The following LRRC8B variants were observed in gnomAD, a reference collection of about 807,000 sequenced individuals.
LRRC8B encodes the protein leucine rich repeat containing 8 VRAC subunit B.
A neutral mutation model predicts 58.8 loss-of-function variants in LRRC8B; 23 were observed. The observed-to-expected ratio is 0.39, with a 90% CI of 0.28 to 0.55. The LOEUF (loss-of-function observed/expected upper bound fraction) is 0.55, where lower values mean the gene tolerates loss of function less well. LRRC8B is among the 20% of genes least tolerant of loss of function. LRRC8B has a pLI of 0.62. For missense variants in LRRC8B, 694 were observed against 936.0 expected (o/e 0.74, Z 3.37); for synonymous variants, 359 against 374.1 (o/e 0.96, Z 0.47).
chr1:89,582,008 C>G (rs1327796528), intron 4 of LRRC8B, among the ~76,000 whole-genome samples: 2 of 152,086 alleles, frequency 1.3e-5, no homozygotes, highest in Admixed American at 1.3e-4. Context: ...GTGACTAAAA[C>G]AACTCTTGGG....
chr1:89,595,421 G>C lies in LRRC8B; in HGVS notation c.*2378G>C, dbSNP rs1042687150. 6.6e-6 allele frequency: 1 copy of C among 152,082 alleles called. No homozygotes were observed. Among genetic ancestry groups the C allele is most frequent in the Non-Finnish European group, 1.5e-5 (1 of 67,970 alleles). 9.4% of individuals were successfully genotyped at this position (152,082 alleles called of 1,614,324 possible). A position where few individuals can be genotyped will look rare whatever the true frequency, so the allele number is the denominator to read the frequency against. ...ATGTTTTTGGCCACATAACTAGCTA[G>C]AATTTCAAAACAAAATTCAGATTTG... On this transcript the variant is annotated 3_prime_UTR_variant, in exon 6 of 6. Transcript: ENST00000330947.
At chr1:89,570,292 G>A (rs62440923) in intron 3 of LRRC8B, among the ~76,000 whole-genome samples, 2 of 152,104 alleles carry the variant, frequency 1.3e-5, no homozygotes, top group South Asian at 4.1e-4. Flanking sequence ...TTGAGGTATT[G>A]CCACATTGTC....
At chr1:89,590,560 C>G (rs1012204062) in intron 5 of LRRC8B, among the ~76,000 whole-genome samples, 1 of 152,218 alleles carries the variant, frequency 6.6e-6, no homozygotes, top group African/African-American at 2.4e-5. Flanking sequence ...CTTGGGAAAT[C>G]CCTCTCTTCT....
intron 1 of LRRC8B, among the ~76,000 whole-genome samples, chr1:89,530,766 C>T (rs1041291328): frequency 2.6e-5 from 4 of 152,162 alleles, no homozygotes; most frequent in Non-Finnish European, 4.4e-5. Flanking sequence ...GGGTGGACAA[C>T]CCCAACGGCC....
chr1:89,585,555 A>G (rs1429056829), intron 5 of LRRC8B, among the ~76,000 whole-genome samples: 1 of 152,202 alleles, frequency 6.6e-6, no homozygotes, highest in South Asian at 2.1e-4. Context: ...AGAAAGAGGG[A>G]AAACCTGGTC....
intron 1 of LRRC8B, among the ~76,000 whole-genome samples, chr1:89,541,483 G>A (rs1005049333): frequency 1.1e-4 from 17 of 151,496 alleles, no homozygotes; most frequent in South Asian, 2.1e-4. Context: ...AGGCCGAGGC[G>A]GGCGGATCAC....
rs1557620068 is a variant in LRRC8B, at chr1:89,582,767, C to CG, written c.118dup (p.Val40GlyfsTer24). The CG allele has an allele frequency of 6.2e-7, 1 of 1,614,166 alleles. No homozygotes were observed. The highest frequency in any genetic ancestry group is 1.7e-5 in the Admixed American group (1 of 60,018). On this transcript the variant is annotated frameshift_variant, in exon 5 of 6. Transcript: ENST00000330947. LOFTEE classifies it high-confidence loss of function. ...TCACACTGATCATGCTGCTGGTGGCCGTGCTGGCCGGAGCTCTCCAGCTGA... is the reference window on the plus strand; with the variant it reads ...TCACACTGATCATGCTGCTGGTGGCCGGTGCTGGCCGGAGCTCTCCAGCTGA...
intron 5 of LRRC8B, among the ~76,000 whole-genome samples, 175 bp downstream of exon 5, chr1:89,584,964 G>A (rs1277244633): frequency 3.3e-5 from 5 of 152,170 alleles, no homozygotes; most frequent in South Asian, 4.1e-4. Flanking sequence ...ACAAGTCATC[G>A]TGGAGATTTT....
At position 89,596,216 on chromosome 1, in the gene LRRC8B, C is replaced by T. The variant is rs888585877; in HGVS notation, c.*3173C>T. 1 of 152,028 alleles carries T rather than the reference C, an allele frequency of 6.6e-6. No homozygotes were observed. The allele number at this position is 152,028 out of a possible 1,614,324, so 9.4% of individuals were successfully genotyped here. A position where few individuals can be genotyped will look rare whatever the true frequency, so the allele number is the denominator to read the frequency against. The stretch of plus-strand genomic sequence containing the variant: ...GAGAACCTAAGTGTTTTTGAGCATT[C>T]CAGTAAAGGAGTAGTGTTCTTTTCC... On this transcript the variant is annotated 3_prime_UTR_variant, in exon 6 of 6. Transcript: ENST00000330947.
chr1:89,584,712 T>G lies in LRRC8B; in HGVS notation c.2062T>G (p.Tyr688Asp). The G allele has an allele frequency of 6.2e-7, 1 of 1,613,838 alleles. No homozygotes were observed. The highest frequency in any genetic ancestry group is 8.5e-7 in the Non-Finnish European group (1 of 1,179,938). The change falls in exon 5 of 6, where the codon TAT (tyrosine) becomes GAT (aspartate). Residue 688 changes from tyrosine to aspartate, a missense_variant. Coordinates refer to ENST00000330947, the MANE Select transcript of LRRC8B (RefSeq NM_001369817.2). ...CTKLHYLDLS[Y>D]NHLTFIPEEI... ...TAAACTACATTATTTGGATCTAAGC[T>G]ATAACCACTTGACCTTCATTCCAGA...
At chr1:89,589,995 A>G (rs1423668422) in intron 5 of LRRC8B, among the ~76,000 whole-genome samples, 2 of 152,112 alleles carry the variant, frequency 1.3e-5, no homozygotes, top group East Asian at 1.9e-4. Flanking sequence ...GTTGTCATCT[A>G]TTTTGTAGTT....
intron 1 of LRRC8B, among the ~76,000 whole-genome samples, chr1:89,547,891 C>G (rs1052014532): frequency 1.3e-5 from 2 of 152,130 alleles, no homozygotes; most frequent in Non-Finnish European, 2.9e-5. Context: ...AAAAATGAAT[C>G]AAGTAATTGC....
chr1:89,562,435 T>C (rs1185114602), intron 1 of LRRC8B, among the ~76,000 whole-genome samples: 2 of 152,276 alleles, frequency 1.3e-5, no homozygotes, highest in East Asian at 3.9e-4. Flanking sequence ...CACCAGAAGA[T>C]TTTTTAAATT....
chr1:89,574,993 A>G (rs531367419), intron 3 of LRRC8B, among the ~76,000 whole-genome samples: 5 of 152,330 alleles, frequency 3.3e-5, no homozygotes, highest in African/African-American at 1.2e-4. Flanking sequence ...GTCTTGTCCC[A>G]CAGCATTCTG....
intron 1 of LRRC8B, among the ~76,000 whole-genome samples, chr1:89,563,700 A>G (rs775456918): frequency 6.6e-6 from 1 of 152,216 alleles, no homozygotes; most frequent in African/African-American, 2.4e-5. Context: ...ATAAATAATC[A>G]TGTTTAGTGC....
chr1:89,563,173 A>G (rs1226438417), intron 1 of LRRC8B, among the ~76,000 whole-genome samples: 1 of 152,104 alleles, frequency 6.6e-6, no homozygotes, highest in Non-Finnish European at 1.5e-5. Context: ...GTGGTTTTAT[A>G]TATATATATG....
chr1:89,556,311 C>A (rs572632134), intron 1 of LRRC8B, among the ~76,000 whole-genome samples: 1 of 152,286 alleles, frequency 6.6e-6, no homozygotes, highest in African/African-American at 2.4e-5. Flanking sequence ...TTGCCTTTTA[C>A]ATCTCTTCCA....
chr1:89,570,377 G>A (rs1243816776), intron 3 of LRRC8B, among the ~76,000 whole-genome samples: 1 of 152,036 alleles, frequency 6.6e-6, no homozygotes, highest in Admixed American at 6.6e-5. Context: ...AACCTCGCCA[G>A]CATCTCTTTT....
At chr1:89,537,460 TTTTTG>T (rs750338046) in intron 1 of LRRC8B, among the ~76,000 whole-genome samples, 22 of 152,100 alleles carry the variant, frequency 1.4e-4, no homozygotes, top group Admixed American at 1.0e-3. Context: ...ATTGGTGTGT[TTTTTG>T]TTTTGTTTTG....
Sources: allele counts gnomAD v4.1 joint callset (sites outside exome capture counted in the v4.1 genomes callset), GRCh38; gene constraint gnomAD v4.1.1; transcripts MANE v1.5; gene names NCBI Gene and HGNC (gene_info 2026-07-23, HGNC 2026-07-21).